PLEKHM3: variants seen among roughly 807,000 people sequenced by gnomAD.
PLEKHM3 encodes pleckstrin homology domain containing M3.
PLEKHM3 carries 45 observed loss-of-function variants against 81.8 expected under a neutral mutation model. The observed-to-expected ratio is 0.55, with a 90% CI of 0.43 to 0.71. The LOEUF (loss-of-function observed/expected upper bound fraction) is 0.71. Among genes scored for constraint, PLEKHM3 ranks in the 30% least tolerant of loss-of-function variants. PLEKHM3 has a pLI of 0.00. For synonymous variants in PLEKHM3, 352 were observed against 356.4 expected, an observed-to-expected ratio of 0.99 and a Z score of 0.14; for missense variants, 788 against 924.3, an observed-to-expected ratio of 0.85 and a Z score of 1.91.
intron 1 of PLEKHM3, among the ~76,000 whole-genome samples, chr2:208,015,049 T>C (rs977658470): frequency 6.6e-6 from 1 of 152,244 alleles, no homozygotes; most frequent in African/African-American, 2.4e-5. Flanking sequence ...GATTAAAAAG[T>C]TATAGCTAAT....
At chr2:208,004,021 C>T (rs562079859) in intron 1 of PLEKHM3, among the ~76,000 whole-genome samples, 1 of 152,124 alleles carries the variant, frequency 6.6e-6, no homozygotes, top group South Asian at 2.1e-4. Context: ...GTGCAAATAA[C>T]CTTCAAAAAA....
At chr2:207,984,117 T>C (rs1691634666) in intron 2 of PLEKHM3, among the ~76,000 whole-genome samples, 1 of 152,234 alleles carries the variant, frequency 6.6e-6, no homozygotes. Flanking sequence ...CAGGTACTCA[T>C]TGTTCAGTTT....
Position 207,825,856 on chromosome 2 carries a change from A to T in PLEKHM3, c.*2463T>A, listed in dbSNP as rs1382925971. 1.3e-5 allele frequency: 2 copies of T among 152,246 alleles called. No individual in the cohort carries two copies. Among genetic ancestry groups the T allele is most frequent in the Non-Finnish European group, 2.9e-5 (2 of 68,032 alleles). The allele number at this position is 152,246 out of a possible 1,614,324, so 9.4% of individuals were successfully genotyped here. On this transcript the variant is annotated 3_prime_UTR_variant, in exon 8 of 8. Transcript: ENST00000427836. The stretch of plus-strand genomic sequence containing the variant: ...AATAAGCAGAAAATGATGTGGGTGG[A>T]AAGTCCTCCTTAGGAGTTCACAGGG...
At chr2:207,955,757 C>A (rs1406158546) in intron 3 of PLEKHM3, among the ~76,000 whole-genome samples, 1 of 150,554 alleles carries the variant, frequency 6.6e-6, no homozygotes. Flanking sequence ...CTGTCCCCTG[C>A]AGATGACAAA....
intron 7 of PLEKHM3, among the ~76,000 whole-genome samples, chr2:207,836,610 T>C (rs1438590073): frequency 6.6e-6 from 1 of 152,222 alleles, no homozygotes; most frequent in Non-Finnish European, 1.5e-5. Flanking sequence ...GAGTTTCCTG[T>C]TCTGGAATGC....
At chr2:207,969,403 A>G (rs1691033649) in intron 3 of PLEKHM3, among the ~76,000 whole-genome samples, 1 of 152,242 alleles carries the variant, frequency 6.6e-6, no homozygotes, top group Non-Finnish European at 1.5e-5. Context: ...ATGAGTAATT[A>G]ACCACCCCAT....
intron 6 of PLEKHM3, among the ~76,000 whole-genome samples, chr2:207,871,181 T>C (rs1559215140): frequency 6.6e-6 from 1 of 152,184 alleles, no homozygotes; most frequent in Non-Finnish European, 1.5e-5. Context: ...AAAACTCCAT[T>C]TTCCCATAAT....
intron 2 of PLEKHM3, among the ~76,000 whole-genome samples, chr2:207,986,676 G>GTT (rs5838100): frequency 2.1e-3 from 302 of 144,414 alleles, no homozygotes; most frequent in Middle Eastern, 3.6e-3. Flanking sequence ...AAATTTTTTT[G>GTT]TTTTTTTTTT....
intron 3 of PLEKHM3, among the ~76,000 whole-genome samples, chr2:207,972,547 A>C (rs926347888): frequency 1.3e-5 from 2 of 149,986 alleles, no homozygotes; most frequent in African/African-American, 2.5e-5. Context: ...AGATCATAAC[A>C]CTGCACTCCA....
chr2:208,003,329 G>A (rs548035166), intron 1 of PLEKHM3, among the ~76,000 whole-genome samples: 4 of 152,068 alleles, frequency 2.6e-5, no homozygotes, highest in East Asian at 1.9e-4. Flanking sequence ...GTGTGAAAAC[G>A]GACTAATACA....
rs184167877 is a variant in PLEKHM3 at position 207,977,358 on chromosome 2, A to C, written c.839T>G (p.Leu280Trp). ...TAGCTGTAGCTGAGTGTTGTCATAC[A>C]AAACAGTATCCACCATCCTGGCCTC... is the stretch of plus-strand genomic sequence containing the variant. ...NLEARMVDTV[L>W]YDNTQLQLKA... Residue 280 changes from leucine (L) to tryptophan (W), a missense_variant, in exon 3 of 8, where the codon TTG (leucine) becomes TGG (tryptophan). Physicochemically the swap from Leu to Trp is moderately conservative, Grantham distance 61. Transcript: ENST00000427836. 2 of 1,614,184 alleles carry C rather than the reference A, an allele frequency of 1.2e-6. No homozygotes were observed. Among genetic ancestry groups the C allele is most frequent in the Non-Finnish European group, 1.7e-6 (2 of 1,180,038 alleles).
chr2:207,908,603 T>C lies in PLEKHM3; in HGVS notation c.1887-26A>G, dbSNP rs1449362967. The C allele has an allele frequency of 2.6e-6, 4 of 1,565,734 alleles. No homozygotes were observed. In the Admixed American group the frequency reaches 5.2e-5, roughly 20 times the overall value. On this transcript the variant is annotated intron_variant, in intron 5 of 7. Coordinates refer to ENST00000427836, the MANE Select transcript of PLEKHM3 (RefSeq NM_001080475.3). The stretch of plus-strand genomic sequence containing the variant: ...CTGAAAACAAGGGCAGATAGACAAG[T>C]GAACTGTGGTGCTGCCATAACACAC...
chr2:207,983,667 A>G (rs1422063928), intron 2 of PLEKHM3, among the ~76,000 whole-genome samples: 7 of 151,718 alleles, frequency 4.6e-5, no homozygotes, highest in Non-Finnish European at 5.9e-5. Flanking sequence ...GTTCCTCCTC[A>G]GTGAAGATCC....
At chr2:207,943,378 A>C (rs1016810966) in intron 4 of PLEKHM3, among the ~76,000 whole-genome samples, 1 of 152,342 alleles carries the variant, frequency 6.6e-6, no homozygotes, top group East Asian at 1.9e-4. Flanking sequence ...GGTACATTCA[A>C]GGCAGATGTC....
intron 3 of PLEKHM3, among the ~76,000 whole-genome samples, chr2:207,957,878 G>C (rs1302379341): frequency 6.6e-6 from 1 of 152,196 alleles, no homozygotes; most frequent in African/African-American, 2.4e-5. Context: ...TGTCCCAACA[G>C]GGGATATTTG....
In PLEKHM3 at chr2:207,849,122, C is replaced by T. The variant is rs571437750; in HGVS notation, c.2108+11983G>A. On this transcript the variant is annotated intron_variant, in intron 7 of 7. Coordinates refer to ENST00000427836, the MANE Select transcript of PLEKHM3 (RefSeq NM_001080475.3). Reference sequence around the variant, plus strand: ...GCCGAGGCGGGCGGATCACTGGAGGCCAGGAGTTCGAGACCAGCCTGGCCA... The same window carrying T: ...GCCGAGGCGGGCGGATCACTGGAGGTCAGGAGTTCGAGACCAGCCTGGCCA... 3.5e-3 allele frequency among the ~76,000 whole-genome samples: 537 copies of T among 152,070 alleles called. 5 individuals carry two copies. The highest frequency in any genetic ancestry group is 5.4e-3 in the Non-Finnish European group (368 of 67,974).
intron 5 of PLEKHM3, among the ~76,000 whole-genome samples, chr2:207,912,500 T>C (rs1204644398): frequency 1.3e-5 from 2 of 152,202 alleles, no homozygotes; most frequent in East Asian, 1.9e-4. Flanking sequence ...CCCAGCTTAT[T>C]GTGTCTGGAG....
Position 207,853,117 on chromosome 2 carries a change from A to G in PLEKHM3, c.2108+7988T>C, listed in dbSNP as rs114984008. Among the ~76,000 whole-genome samples, 864 of 152,312 alleles carry G rather than the reference A, an allele frequency of 5.7e-3. 12 individuals are homozygous for G. The highest frequency in any genetic ancestry group is 0.02 in the African/African-American group (815 of 41,564). ...TTGTCTCCAGAACCTAGCCCAATGCACACACATGGTATGCTCAATAGATTA... is the reference window on the plus strand; with the variant it reads ...TTGTCTCCAGAACCTAGCCCAATGCGCACACATGGTATGCTCAATAGATTA... On this transcript the variant is annotated intron_variant, in intron 7 of 7. Coordinates refer to ENST00000427836, the MANE Select transcript of PLEKHM3 (RefSeq NM_001080475.3).
At chr2:207,924,888 AG>A (rs1454659399) in intron 5 of PLEKHM3, among the ~76,000 whole-genome samples, 1 of 152,078 alleles carries the variant, frequency 6.6e-6, no homozygotes, top group Admixed American at 6.6e-5. Flanking sequence ...GGCAAGGAGA[AG>A]GGGGAGACTC....
Sources: allele counts gnomAD v4.1 joint callset (sites outside exome capture counted in the v4.1 genomes callset), GRCh38; gene constraint gnomAD v4.1.1; transcripts MANE v1.5; gene names NCBI Gene and HGNC (gene_info 2026-07-23, HGNC 2026-07-21).